The following SNX14 variants were observed in gnomAD, a reference collection of about 807,000 sequenced individuals.
SNX14 encodes the protein sorting nexin 14, also known as sorting nexin-14.
SNX14 carries 93 observed loss-of-function variants against 133.8 expected under a neutral mutation model. The ratio of observed to expected loss-of-function variants is 0.70; its 90% CI spans 0.59 to 0.83. The LOEUF is 0.83. Ranked by LOEUF, SNX14 falls within the 40% of genes least tolerant of loss-of-function variation. SNX14 has a pLI of 0.00. For missense variants in SNX14, 945 were observed against 1,094.9 expected, an observed-to-expected ratio of 0.86 and a Z score of 1.93; for synonymous variants, 368 against 365.6, an observed-to-expected ratio of 1.01 and a Z score of -0.07.
At chr6:85,552,203 A>AT (rs1468984173) in intron 7 of SNX14, among the ~76,000 whole-genome samples, 2 of 151,016 alleles carry the variant, frequency 1.3e-5, no homozygotes, top group Non-Finnish European at 3.0e-5. Flanking sequence ...CACCCGGCTA[A>AT]TTTTTTGTAT....
At chr6:85,556,191 A>T (rs927852759) in intron 7 of SNX14, among the ~76,000 whole-genome samples, 5 of 152,120 alleles carry the variant, frequency 3.3e-5, no homozygotes, top group African/African-American at 1.2e-4. Flanking sequence ...TAAAACATAA[A>T]ATCTACTGAT....
At position 85,593,835 on chromosome 6, in the gene SNX14, G is replaced by T; in HGVS notation, c.-117C>A. 2 of 1,531,118 alleles carry T rather than the reference G, an allele frequency of 1.3e-6. No individual in the cohort carries two copies. The highest frequency in any genetic ancestry group is 1.7e-6 in the Non-Finnish European group (2 of 1,146,104). 94.8% of individuals were successfully genotyped at this position (1,531,118 alleles called of 1,614,324 possible). ...TTGGCGGCGCACACAGACGCCTACC[G>T]GCAGTTAGCCGCCGCAGGCTGAGGT... On this transcript the variant is annotated 5_prime_UTR_variant, in exon 1 of 29. Coordinates refer to ENST00000314673, the MANE Select transcript of SNX14 (RefSeq NM_153816.6).
chr6:85,553,177 T>C (rs1788393788), intron 7 of SNX14, among the ~76,000 whole-genome samples: 1 of 152,212 alleles, frequency 6.6e-6, no homozygotes, highest in Non-Finnish European at 1.5e-5. Context: ...TTGCTTTTTT[T>C]CTGCACACTG....
Position 85,518,011 on chromosome 6 carries a change from T to C in SNX14, c.2145A>G (p.Lys715=), listed in dbSNP as rs1274438721. The C allele has an allele frequency of 6.2e-7, 1 of 1,602,824 alleles. No homozygotes were observed. The highest frequency in any genetic ancestry group is 8.5e-7 in the Non-Finnish European group (1 of 1,173,934). ...CACACATAAATCAGTTACTCACCTC[T>C]TTCATTAGTTTTCCAGGAACAGATT... The part of the protein sequence containing the change: ...IIKSVPGKLM[K]EKGQHLEPFI... Residue 715 remains lysine, a synonymous_variant, in exon 22 of 29, where the codon AAA becomes AAG. Transcript: ENST00000314673.
chr6:85,586,648 A>G (rs1328077877), intron 1 of SNX14, among the ~76,000 whole-genome samples: 1 of 152,092 alleles, frequency 6.6e-6, no homozygotes, highest in African/African-American at 2.4e-5. Context: ...GGGCACAATC[A>G]TATTTCACTG....
chr6:85,573,579 C>T (rs1174080343), intron 2 of SNX14, among the ~76,000 whole-genome samples: 2 of 152,222 alleles, frequency 1.3e-5, no homozygotes, highest in East Asian at 1.9e-4. Context: ...TACCACCCTT[C>T]ATTAAATTTC....
chr6:85,536,998 T>TAA (rs59514276), intron 16 of SNX14, 74 bp from the exon 17 acceptor site: 356 of 1,343,190 alleles, frequency 2.7e-4, no homozygotes, highest in South Asian at 8.5e-4. Context: ...AAACCATTAT[T>TAA]AAAAAAAAGA....
chr6:85,514,971 T>TTG (rs565236482), intron 23 of SNX14, among the ~76,000 whole-genome samples: 90 of 152,120 alleles, frequency 5.9e-4, no homozygotes, highest in African/African-American at 1.7e-3. Context: ...ACTTTAAAAC[T>TTG]AACATGATTT....
chr6:85,511,677 C>A (rs750618932), intron 26 of SNX14, among the ~76,000 whole-genome samples: 4 of 152,154 alleles, frequency 2.6e-5, no homozygotes, highest in Non-Finnish European at 5.9e-5. Context: ...CTTTAGCCTG[C>A]TGATGTGATG....
intron 26 of SNX14, among the ~76,000 whole-genome samples, chr6:85,508,815 C>T (rs1771718668): frequency 6.6e-6 from 1 of 152,056 alleles, no homozygotes; most frequent in South Asian, 2.1e-4. Context: ...CTGAATGCTT[C>T]CCTAAGCAGA....
At chr6:85,508,314 C>T (rs1414720889) in intron 26 of SNX14, 1 of 1,022,564 alleles carries the variant, frequency 9.8e-7, no homozygotes, top group Non-Finnish European at 1.2e-6. Flanking sequence ...CTGAGAAATG[C>T]TGCAGTAAAA....
chr6:85,552,712 G>A (rs1788256077), intron 7 of SNX14, among the ~76,000 whole-genome samples: 1 of 152,184 alleles, frequency 6.6e-6, no homozygotes, highest in South Asian at 2.1e-4. Context: ...ACCCCCATTA[G>A]ATAGAAAATG....
chr6:85,564,709 G>C (rs1393505898), intron 6 of SNX14, among the ~76,000 whole-genome samples: 1 of 152,084 alleles, frequency 6.6e-6, no homozygotes, highest in African/African-American at 2.4e-5. Context: ...AAGGTTTAAG[G>C]CCGGGCGCAG....
chr6:85,520,328 C>A (rs1367790908), intron 21 of SNX14, among the ~76,000 whole-genome samples: 1 of 151,380 alleles, frequency 6.6e-6, no homozygotes, highest in Non-Finnish European at 1.5e-5. Context: ...CAGGTGTGAG[C>A]CACTGCAACT....
At chr6:85,547,293 G>T in intron 11 of SNX14, 24 bp downstream of exon 11, 2 of 1,611,448 alleles carry the variant, frequency 1.2e-6, no homozygotes, top group Non-Finnish European at 1.7e-6. Context: ...ATATCAAAAA[G>T]GTGTTATTGC....
rs1803840172 is a variant in SNX14 at position 85,593,844 on chromosome 6, C to T, written c.-126G>A. On this transcript the variant is annotated 5_prime_UTR_variant, in exon 1 of 29. Coordinates refer to ENST00000314673, the MANE Select transcript of SNX14 (RefSeq NM_153816.6). ...CACACAGACGCCTACCGGCAGTTAG[C>T]CGCCGCAGGCTGAGGTCGCGTCCGG... 2.0e-6 allele frequency: 3 copies of T among 1,510,944 alleles called. No homozygotes were observed. Among genetic ancestry groups the T allele is most frequent in the Admixed American group, 2.2e-5 (1 of 44,730 alleles). 93.6% of individuals were successfully genotyped at this position (1,510,944 alleles called of 1,614,324 possible).
intron 21 of SNX14, among the ~76,000 whole-genome samples, chr6:85,523,547 G>C (rs1777558145): frequency 1.3e-5 from 2 of 152,240 alleles, no homozygotes; most frequent in African/African-American, 4.8e-5. Context: ...GGCTGAGGCA[G>C]ACGGATCACT....
intron 7 of SNX14, among the ~76,000 whole-genome samples, chr6:85,551,469 C>T (rs909179559): frequency 9.2e-5 from 14 of 152,162 alleles, no homozygotes; most frequent in African/African-American, 3.4e-4. Flanking sequence ...CTCACCTGTC[C>T]CAGCCAATCA....
At chr6:85,514,280 G>C (rs767753916) in intron 24 of SNX14, 46 bp from the exon 25 acceptor site, 2 of 1,558,838 alleles carry the variant, frequency 1.3e-6, no homozygotes, top group African/African-American at 2.8e-5. Flanking sequence ...AGATGAATTG[G>C]TATTTTTGAA....
Sources: gnomAD v4.1 joint callset for allele counts (sites outside exome capture counted in the v4.1 genomes callset) on GRCh38, gnomAD v4.1.1 for gene constraint, MANE v1.5 for transcripts, NCBI Gene and HGNC (gene_info 2026-07-23, HGNC 2026-07-21) for gene names.